Variants in TUB observed in about 807,000 individuals in gnomAD.
TUB encodes the protein TUB bipartite transcription factor, also known as tubby protein homolog.
A neutral mutation model predicts 59.7 loss-of-function variants in TUB; 33 were observed. The observed-to-expected ratio is 0.55, with a 90% CI of 0.42 to 0.74. The LOEUF is 0.74. TUB is among the 30% of genes least tolerant of loss of function. The pLI is 0.00. For missense variants in TUB, 659 were observed against 672.0 expected (o/e 0.98, Z 0.21); for synonymous variants, 293 against 256.4 (o/e 1.14, Z -1.36).
Position 8,101,739 on chromosome 11 carries a change from C to G in TUB, c.*120C>G. 6.9e-7 allele frequency: 1 copy of G among 1,451,600 alleles called. No individual in the cohort carries two copies. The highest frequency in any genetic ancestry group is 9.1e-7 in the Non-Finnish European group (1 of 1,100,780). The allele number at this position is 1,451,600 out of a possible 1,614,324, so 89.9% of individuals were successfully genotyped here. A position where few individuals can be genotyped will look rare whatever the true frequency, so the allele number is the denominator to read the frequency against. Reference sequence around the variant, plus strand: ...TTCCGCCAGATGAAGCTTTGGCCCTCAGTGGGCTCCCTGGCCCAGCCAGCC... The same window carrying G: ...TTCCGCCAGATGAAGCTTTGGCCCTGAGTGGGCTCCCTGGCCCAGCCAGCC... On this transcript the variant is annotated 3_prime_UTR_variant, in exon 12 of 12. Transcript: ENST00000299506.
chr11:8,027,772 C>T (rs1338570729), intron 1 of TUB, among the ~76,000 whole-genome samples: 1 of 152,252 alleles, frequency 6.6e-6, no homozygotes, highest in Admixed American at 6.5e-5. Flanking sequence ...ATCTCAGCCT[C>T]CCCAGGTGCT....
chr11:8,083,777 G>A (rs7928634), intron 1 of TUB, among the ~76,000 whole-genome samples: 1 of 152,132 alleles, frequency 6.6e-6, no homozygotes, highest in Non-Finnish European at 1.5e-5. Flanking sequence ...TTGTAGAGAG[G>A]GGGGTGTGTA....
chr11:8,064,621 C>T (rs555774598), intron 2 of TUB, among the ~76,000 whole-genome samples: 2 of 152,150 alleles, frequency 1.3e-5, no homozygotes, highest in South Asian at 4.2e-4. Context: ...TAAGTGGGGT[C>T]GAAGACTGTG....
At position 8,043,143 on chromosome 11, in the gene TUB, T is replaced by G. The variant is rs1039657286; in HGVS notation, c.203+3451T>G. 2.0e-5 allele frequency among the ~76,000 whole-genome samples: 3 copies of G among 152,224 alleles called. No individual in the cohort carries two copies. In the East Asian group the frequency reaches 5.8e-4, roughly 29 times the overall value. On this transcript the variant is annotated intron_variant, in intron 2 of 12. Transcript: ENST00000305253. ...AGGTAGGGGTCCCAACTCATTCATTTGAATATGGATATTCAGTTGTCCCAG... is the reference window on the plus strand; with the variant it reads ...AGGTAGGGGTCCCAACTCATTCATTGGAATATGGATATTCAGTTGTCCCAG...
chr11:8,029,043 AC>A (rs1046598612), intron 1 of TUB, among the ~76,000 whole-genome samples: 74 of 151,916 alleles, frequency 4.9e-4, no homozygotes, highest in African/African-American at 1.6e-3. Flanking sequence ...CAAAAAACAA[AC>A]CCCAAAATTA....
intron 2 of TUB, among the ~76,000 whole-genome samples, chr11:8,046,440 A>G (rs1315568242): frequency 2.6e-5 from 4 of 152,144 alleles, no homozygotes; most frequent in Non-Finnish European, 5.9e-5. Context: ...CCAAACTAAC[A>G]TCTTCTCTCA....
chr11:8,041,731 C>A lies in TUB; in HGVS notation c.203+2039C>A, dbSNP rs188262228. ...TTCCTATTCTATCTGAGCTCTGTTG[C>A]TTGTCACTTCAACTGCCCACCATTC... On this transcript the variant is annotated intron_variant, in intron 2 of 12. Coordinates refer to the TUB transcript ENST00000305253. Among the ~76,000 whole-genome samples, 13 of 152,336 alleles carry A rather than the reference C, an allele frequency of 8.5e-5. No individual in the cohort carries two copies. In the East Asian group the frequency reaches 2.3e-3, roughly 27 times the overall value.
At chr11:8,061,164 GTC>G (rs1943117897) in intron 2 of TUB, among the ~76,000 whole-genome samples, 1 of 152,260 alleles carries the variant, frequency 6.6e-6, no homozygotes, top group Non-Finnish European at 1.5e-5. Flanking sequence ...TACAAAGAGA[GTC>G]TCTGAACAGG....
chr11:8,053,847 G>A (rs1350424349), intron 2 of TUB, among the ~76,000 whole-genome samples: 2 of 148,846 alleles, frequency 1.3e-5, no homozygotes, highest in African/African-American at 2.5e-5. Flanking sequence ...CGGGCGCAGT[G>A]GCTCACGCCT....
At chr11:8,025,601 G>A (rs531978214) in intron 1 of TUB, among the ~76,000 whole-genome samples, 57 of 152,224 alleles carry the variant, frequency 3.7e-4, no homozygotes, top group African/African-American at 1.2e-3. Context: ...TTGTTTGGCC[G>A]TTTTCAGACA....
intron 2 of TUB, among the ~76,000 whole-genome samples, chr11:8,074,075 C>T (rs192709143): frequency 1.3e-5 from 2 of 149,248 alleles, no homozygotes; most frequent in East Asian, 3.9e-4. Flanking sequence ...TAAGGCGTTA[C>T]TATATATATG....
chr11:8,069,340 A>C (rs959123653), intron 2 of TUB: 2 of 135,690 alleles, frequency 1.5e-5, no homozygotes, highest in African/African-American at 2.8e-5. Context: ...TTTATTTTAC[A>C]CTTTTGTCAT....
intron 2 of TUB, among the ~76,000 whole-genome samples, chr11:8,041,263 A>G (rs1195528597): frequency 6.6e-6 from 1 of 152,198 alleles, no homozygotes; most frequent in African/African-American, 2.4e-5. Context: ...AGGCTCTGCC[A>G]GTATCCCTTA....
At chr11:8,049,578 TATAGATAGATAGATAGATAG>T (rs1554923442) in intron 2 of TUB, among the ~76,000 whole-genome samples, 1,013 of 85,934 alleles carry the variant, frequency 0.012, 23 homozygotes, top group African/African-American at 0.034. Flanking sequence ...TATATATATA[TATAGATAGATAGATAGATAG>T]ATAGATACAC....
chr11:8,059,386 G>A (rs893262658), intron 2 of TUB, among the ~76,000 whole-genome samples: 11 of 152,164 alleles, frequency 7.2e-5, no homozygotes, highest in South Asian at 4.1e-4. Flanking sequence ...AGGCAGGAGC[G>A]AGGCTGGGAC....
At chr11:8,098,566 C>G (rs1944110803) in intron 8 of TUB, among the ~76,000 whole-genome samples, 192 bp from the exon 9 acceptor site, 1 of 152,212 alleles carries the variant, frequency 6.6e-6, no homozygotes, top group African/African-American at 2.4e-5. Flanking sequence ...TGAGTCAACT[C>G]AGAGCAAGTC....
intron 3 of TUB, among the ~76,000 whole-genome samples, chr11:8,091,875 T>C (rs1943787364): frequency 6.6e-6 from 1 of 152,208 alleles, no homozygotes; most frequent in Non-Finnish European, 1.5e-5. Flanking sequence ...GCCAATGTTC[T>C]GGGTCATATG....
At chr11:8,052,865 C>T (rs1589934862) in intron 2 of TUB, among the ~76,000 whole-genome samples, 1 of 152,108 alleles carries the variant, frequency 6.6e-6, no homozygotes, top group African/African-American at 2.4e-5. Context: ...TAATCAATGC[C>T]ACTGACTTAT....
intron 3 of TUB, among the ~76,000 whole-genome samples, chr11:8,092,865 T>C (rs1257443623): frequency 3.9e-5 from 6 of 152,194 alleles, no homozygotes; most frequent in Admixed American, 3.9e-4. Flanking sequence ...ATTCAGGGGA[T>C]CATTCCAAGA....
Sources: gnomAD v4.1 joint callset for allele counts (sites outside exome capture counted in the v4.1 genomes callset) on GRCh38, gnomAD v4.1.1 for gene constraint, MANE v1.5 for transcripts, NCBI Gene and HGNC (gene_info 2026-07-23, HGNC 2026-07-21) for gene names.